NRXN3: variants seen among roughly 807,000 people sequenced by gnomAD.
NRXN3 encodes the protein neurexin III.
In NRXN3, 32 loss-of-function variants were observed where a neutral mutation model predicts 137.6. That is an observed-to-expected ratio of 0.23 (90% CI 0.18 to 0.31). The LOEUF (loss-of-function observed/expected upper bound fraction) is 0.31. NRXN3 is among the 10% of genes least tolerant of loss of function. NRXN3 has a pLI of 1.00. For synonymous variants in NRXN3, 798 were observed against 784.5 expected, an observed-to-expected ratio of 1.02 and a Z score of -0.29; for missense variants, 1,574 against 2,062.5, an observed-to-expected ratio of 0.76 and a Z score of 4.59.
At chr14:79,744,369 T>C (rs12433156) in intron 19 of NRXN3, among the ~76,000 whole-genome samples, 49,619 of 152,100 alleles carry the variant, frequency 0.33, 8,777 homozygotes, top group Middle Eastern at 0.44. Context: ...CACAACGCTT[T>C]AATGTGTCAT....
chr14:79,227,739 C>CTCCTTCCTTCCTTCCTTCCTTCCTTCCT (rs745869619), intron 15 of NRXN3, among the ~76,000 whole-genome samples: 7 of 63,820 alleles, frequency 1.1e-4, no homozygotes, highest in East Asian at 1.2e-3. Flanking sequence ...TCTCCTTTCT[C>CTCCTTCCTTCCTTCCTTCCTTCCTTCCT]TCCTTCCTTC....
intron 4 of NRXN3, among the ~76,000 whole-genome samples, chr14:78,569,797 T>C (rs1360039557): frequency 1.3e-5 from 2 of 152,008 alleles, no homozygotes; most frequent in Non-Finnish European, 2.9e-5. Flanking sequence ...TGATCTCAAG[T>C]GATCTACCCG....
chr14:78,962,365 T>G (rs1597947165), intron 11 of NRXN3, among the ~76,000 whole-genome samples: 1 of 152,202 alleles, frequency 6.6e-6, no homozygotes, highest in African/African-American at 2.4e-5. Flanking sequence ...GAATTTTCAG[T>G]AGTCTTGGTT....
At chr14:79,803,985 A>C (rs2140571747) in intron 19 of NRXN3, among the ~76,000 whole-genome samples, 1 of 148,730 alleles carries the variant, frequency 6.7e-6, no homozygotes, top group East Asian at 2.0e-4. Flanking sequence ...GTATGTGTAT[A>C]TATATATGTA....
intron 15 of NRXN3, among the ~76,000 whole-genome samples, chr14:79,101,427 G>A (rs540802842): frequency 8.4e-4 from 128 of 152,272 alleles, no homozygotes; most frequent in African/African-American, 3.1e-3. Flanking sequence ...TGGTTCCCCA[G>A]CTAGCCACGA....
At chr14:78,380,164 A>G (rs2088770336) in intron 4 of NRXN3, among the ~76,000 whole-genome samples, 1 of 152,196 alleles carries the variant, frequency 6.6e-6, no homozygotes, top group African/African-American at 2.4e-5. Context: ...AATAGTAGAG[A>G]TTTCAATTCT....
intron 15 of NRXN3, among the ~76,000 whole-genome samples, chr14:79,010,109 T>TATC (rs1330807537): frequency 1.2e-4 from 18 of 152,228 alleles, no homozygotes; most frequent in Admixed American, 1.2e-3. Flanking sequence ...TCAGAATTTA[T>TATC]ATCAGCTCCT....
chr14:79,093,408 G>A (rs1315242688), intron 15 of NRXN3, among the ~76,000 whole-genome samples: 1 of 152,172 alleles, frequency 6.6e-6, no homozygotes, highest in East Asian at 1.9e-4. Context: ...GGAAACAACT[G>A]AGAAATTTTA....
intron 8 of NRXN3, among the ~76,000 whole-genome samples, chr14:78,786,372 C>T (rs775481644): frequency 2.0e-5 from 3 of 152,064 alleles, no homozygotes; most frequent in Non-Finnish European, 4.4e-5. Flanking sequence ...ATATAGCATC[C>T]AACAGTCATT....
intron 16 of NRXN3, among the ~76,000 whole-genome samples, chr14:79,630,439 T>A (rs1331685866): frequency 6.6e-6 from 1 of 152,264 alleles, no homozygotes; most frequent in Non-Finnish European, 1.5e-5. Context: ...TTTGGCCACG[T>A]TGGATTTTGG....
At chr14:79,859,409 T>G (rs1010138325) in intron 20 of NRXN3, among the ~76,000 whole-genome samples, 65 of 152,326 alleles carry the variant, frequency 4.3e-4, no homozygotes, top group African/African-American at 1.5e-3. Context: ...TTAGCACACC[T>G]GAAACCTGGA....
At chr14:79,049,807 T>A (rs569363901) in intron 15 of NRXN3, among the ~76,000 whole-genome samples, 13 of 152,058 alleles carry the variant, frequency 8.5e-5, no homozygotes, top group Non-Finnish European at 1.6e-4. Flanking sequence ...TACCTATACC[T>A]AAAATCATGG....
chr14:78,964,085 T>C (rs1458290152), intron 11 of NRXN3, among the ~76,000 whole-genome samples: 1 of 152,152 alleles, frequency 6.6e-6, no homozygotes, highest in African/African-American at 2.4e-5. Flanking sequence ...TTAAATTAGG[T>C]CTGAGTTTTT....
intron 19 of NRXN3, among the ~76,000 whole-genome samples, chr14:79,742,965 TAATAA>T (rs981528899): frequency 1.3e-5 from 2 of 152,132 alleles, no homozygotes; most frequent in African/African-American, 4.8e-5. Context: ...TTCTGCCCTA[TAATAA>T]AATAAGCAGG....
chr14:79,657,169 C>G (rs2098510470), intron 16 of NRXN3, among the ~76,000 whole-genome samples: 4 of 152,118 alleles, frequency 2.6e-5, no homozygotes, highest in South Asian at 2.1e-4. Context: ...TACTGTTGCT[C>G]TTGTCTTCGT....
intron 19 of NRXN3, among the ~76,000 whole-genome samples, chr14:79,729,381 A>C (rs763469849): frequency 6.6e-6 from 1 of 152,200 alleles, no homozygotes; most frequent in African/African-American, 2.4e-5. Context: ...CTTATATCCT[A>C]TTAAGGCCAC....
At chr14:79,281,929 A>G (rs1192682802) in intron 15 of NRXN3, 2 of 152,176 alleles carry the variant, frequency 1.3e-5, no homozygotes, top group Non-Finnish European at 2.9e-5. Context: ...CATTGAGAAA[A>G]TGCCAGCACA....
chr14:78,761,151 G>A (rs1227269435), intron 8 of NRXN3, among the ~76,000 whole-genome samples: 1 of 152,136 alleles, frequency 6.6e-6, no homozygotes, highest in Non-Finnish European at 1.5e-5. Context: ...GAAAAAGACG[G>A]AAATGAATCA....
At chr14:78,246,296 C>T (rs185037306) in intron 2 of NRXN3, among the ~76,000 whole-genome samples, 10 of 152,268 alleles carry the variant, frequency 6.6e-5, no homozygotes, top group Non-Finnish European at 1.2e-4. Flanking sequence ...TGTGTTCCAG[C>T]TCCCAGTGGA....
Sources: gnomAD v4.1 joint callset for allele counts (sites outside exome capture counted in the v4.1 genomes callset) on GRCh38, gnomAD v4.1.1 for gene constraint, MANE v1.5 for transcripts, NCBI Gene and HGNC (gene_info 2026-07-23, HGNC 2026-07-21) for gene names.